The following SPRY3 variants were observed in gnomAD, a reference collection of about 807,000 sequenced individuals.
SPRY3 encodes sprouty RTK signaling antagonist 3, also known as protein sprouty homolog 3.
A neutral mutation model predicts 20.2 loss-of-function variants in SPRY3; 15 were observed. That is an observed-to-expected ratio of 0.74 (90% CI 0.50 to 1.14). The LOEUF is 1.14. Ranked by LOEUF, SPRY3 falls within the 50% of genes most tolerant of loss-of-function variation. The pLI is 0.00. For synonymous variants in SPRY3, 143 were observed against 136.5 expected (o/e 1.05, Z -0.33); for missense variants, 364 against 363.9 (o/e 1.00, Z 0.00).
At chrX:155,717,381 C>G (rs2091030406) in intron 2 of SPRY3, among the ~76,000 whole-genome samples, 1 of 151,944 alleles carries the variant, frequency 6.6e-6, no homozygotes, top group African/African-American at 2.4e-5. Flanking sequence ...TAGGTCATCC[C>G]TCTTGTTTAC....
intron 3 of SPRY3, among the ~76,000 whole-genome samples, chrX:155,772,332 T>C (rs1324811568): frequency 6.6e-6 from 1 of 152,100 alleles, no homozygotes; most frequent in Non-Finnish European, 1.5e-5. Context: ...GCATCCTTGT[T>C]TTTCCTGTTA....
At chrX:155,753,614 A>G (rs1472868861) in intron 2 of SPRY3, among the ~76,000 whole-genome samples, 1 of 151,980 alleles carries the variant, frequency 6.6e-6, no homozygotes, top group African/African-American at 2.4e-5. Flanking sequence ...ACTAGATCAT[A>G]TGATAACTTC....
chrX:155,716,601 G>GT (rs967119205), intron 2 of SPRY3, among the ~76,000 whole-genome samples: 7 of 151,592 alleles, frequency 4.6e-5, no homozygotes, highest in African/African-American at 1.7e-4. Flanking sequence ...TTACTTTTTT[G>GT]TTTTTCTTTT....
chrX:155,768,415 G>C (rs1202717000), intron 3 of SPRY3, among the ~76,000 whole-genome samples: 1 of 152,010 alleles, frequency 6.6e-6, no homozygotes, highest in Non-Finnish European at 1.5e-5. Flanking sequence ...TTAATTTCTA[G>C]CCTGTTAACC....
intron 2 of SPRY3, among the ~76,000 whole-genome samples, chrX:155,730,250 C>T (rs2091124396): frequency 6.6e-6 from 1 of 152,106 alleles, no homozygotes; most frequent in Non-Finnish European, 1.5e-5. Context: ...AAACTACAGG[C>T]CAACATCCCT....
chrX:155,739,056 TG>T (rs947502410), intron 2 of SPRY3, among the ~76,000 whole-genome samples: 1 of 152,062 alleles, frequency 6.6e-6, no homozygotes, highest in African/African-American at 2.4e-5. Context: ...ATTGAGTTCC[TG>T]GGGGGAGGGG....
chrX:155,759,572 T>C (rs1395731026), intron 2 of SPRY3, among the ~76,000 whole-genome samples: 1 of 152,078 alleles, frequency 6.6e-6, no homozygotes, highest in Admixed American at 6.6e-5. Flanking sequence ...AATTCATTTA[T>C]TATTGTATCT....
intron 2 of SPRY3, among the ~76,000 whole-genome samples, chrX:155,723,355 CA>C (rs1221355164): frequency 1.3e-5 from 2 of 152,150 alleles, no homozygotes; most frequent in Non-Finnish European, 2.9e-5. Context: ...GAGGAATCGC[CA>C]CACTGTCTTC....
At chrX:155,743,502 C>A (rs1046410775) in intron 2 of SPRY3, among the ~76,000 whole-genome samples, 9 of 152,096 alleles carry the variant, frequency 5.9e-5, no homozygotes, top group African/African-American at 2.2e-4. Flanking sequence ...GCCACAGTTT[C>A]TTTATGTTTG....
intron 2 of SPRY3, among the ~76,000 whole-genome samples, chrX:155,680,186 G>A (rs1228632310): frequency 9.7e-6 from 1 of 103,309 alleles, no homozygotes; most frequent in African/African-American, 3.6e-5. Flanking sequence ...GTGTGTGTGT[G>A]TGTGTTTGAG....
chrX:155,734,325 A>T (rs1466160332), intron 2 of SPRY3, among the ~76,000 whole-genome samples: 1 of 151,996 alleles, frequency 6.6e-6, no homozygotes, highest in Non-Finnish European at 1.5e-5. Flanking sequence ...CCCTGAGGAG[A>T]AGGAAAGAGA....
chrX:155,736,699 G>A (rs2091172267), intron 2 of SPRY3, among the ~76,000 whole-genome samples: 1 of 151,684 alleles, frequency 6.6e-6, no homozygotes, highest in African/African-American at 2.4e-5. Context: ...TCTCCTGCTT[G>A]GTATTCACTG....
chrX:155,758,682 A>T (rs1327773340), intron 2 of SPRY3, among the ~76,000 whole-genome samples: 1 of 152,170 alleles, frequency 6.6e-6, no homozygotes, highest in Non-Finnish European at 1.5e-5. Flanking sequence ...GAGAATGAGG[A>T]AAGACTTTCA....
intron 2 of SPRY3, among the ~76,000 whole-genome samples, chrX:155,723,222 G>C (rs1404085451): frequency 1.3e-5 from 2 of 152,072 alleles, no homozygotes; most frequent in Non-Finnish European, 2.9e-5. Context: ...TTGCTATTGT[G>C]AATAGTTCCG....
chrX:155,625,723 C>G (rs1180949420), intron 1 of SPRY3, among the ~76,000 whole-genome samples: 1 of 111,267 alleles, frequency 9.0e-6, no homozygotes, highest in Non-Finnish European at 1.9e-5. Context: ...AACCCTGCAT[C>G]CCTTAGCCAT....
intron 2 of SPRY3, among the ~76,000 whole-genome samples, chrX:155,732,625 A>G (rs767398211): frequency 6.6e-6 from 1 of 152,208 alleles, no homozygotes; most frequent in African/African-American, 2.4e-5. Context: ...TAGTTACCAT[A>G]TGATCCAGCA....
intron 2 of SPRY3, among the ~76,000 whole-genome samples, chrX:155,711,489 C>T (rs1405253274): frequency 7.1e-6 from 1 of 141,188 alleles, no homozygotes; most frequent in Non-Finnish European, 1.5e-5. Flanking sequence ...TCTGTGGTAT[C>T]AGTTGCTATG....
intron 1 of SPRY3, among the ~76,000 whole-genome samples, chrX:155,644,776 T>A (rs968435997): frequency 2.7e-5 from 3 of 110,135 alleles, no homozygotes; most frequent in African/African-American, 9.9e-5. Context: ...CAGAAATACA[T>A]CCAAGAGCCA....
chrX:155,625,418 A>G (rs1281230460), intron 1 of SPRY3, among the ~76,000 whole-genome samples: 1 of 111,993 alleles, frequency 8.9e-6, no homozygotes, highest in Non-Finnish European at 1.9e-5. Context: ...CAATATAACC[A>G]CATGCAATTA....
Sources: allele counts gnomAD v4.1 joint callset (sites outside exome capture counted in the v4.1 genomes callset), GRCh38; gene constraint gnomAD v4.1.1; transcripts MANE v1.5; gene names NCBI Gene and HGNC (gene_info 2026-07-23, HGNC 2026-07-21).